TMTC1: variants seen among roughly 807,000 people sequenced by gnomAD.
The protein encoded by TMTC1 is transmembrane O-mannosyltransferase targeting cadherins 1.
In TMTC1, 73 loss-of-function variants were observed where a neutral mutation model predicts 104.8. The observed-to-expected ratio is 0.70, with a 90% CI of 0.58 to 0.85. TMTC1 has a LOEUF of 0.85. TMTC1 is among the 40% of genes least tolerant of loss of function. The pLI, the probability that TMTC1 is intolerant of heterozygous loss-of-function variation, is 0.00. For synonymous variants in TMTC1, 434 were observed against 428.7 expected (o/e 1.01, Z -0.15); for missense variants, 1,035 against 1,096.1 (o/e 0.94, Z 0.79).
intron 5 of TMTC1, among the ~76,000 whole-genome samples, chr12:29,689,574 G>C (rs779586285): frequency 5.9e-5 from 9 of 152,146 alleles, no homozygotes; most frequent in Non-Finnish European, 1.0e-4. Flanking sequence ...CAGGCCCTGG[G>C]CTCTGAATTT....
At chr12:29,578,164 T>C (rs1945875851) in intron 8 of TMTC1, among the ~76,000 whole-genome samples, 1 of 151,976 alleles carries the variant, frequency 6.6e-6, no homozygotes, top group Non-Finnish European at 1.5e-5. Context: ...TGTTTCATAA[T>C]GGTAAGAGGA....
At chr12:29,685,455 A>AT (rs1941062764) in intron 5 of TMTC1, among the ~76,000 whole-genome samples, 1 of 152,126 alleles carries the variant, frequency 6.6e-6, no homozygotes, top group Admixed American at 6.6e-5. Flanking sequence ...TGCTTAAAAG[A>AT]TTGAGTTTTG....
In TMTC1 at chr12:29,502,133, G is replaced by GT. The variant is rs1452553378; in HGVS notation, c.*4712dup. 6.6e-6 allele frequency: 1 copy of GT among 151,948 alleles called. No individual in the cohort carries two copies. Among genetic ancestry groups the GT allele is most frequent in the Non-Finnish European group, 1.5e-5 (1 of 67,986 alleles). 9.4% of individuals were successfully genotyped at this position (151,948 alleles called of 1,614,324 possible). ...GACAGGTACTTAATTCTTTTTAAATGTCAAAAGATACCATTTAAATAGCTA... is the reference window on the plus strand; with the variant it reads ...GACAGGTACTTAATTCTTTTTAAATGTTCAAAAGATACCATTTAAATAGCTA... On this transcript the variant is annotated 3_prime_UTR_variant, in exon 18 of 18. Transcript: ENST00000539277.
intron 5 of TMTC1, among the ~76,000 whole-genome samples, chr12:29,736,031 T>C (rs1203965569): frequency 6.6e-6 from 1 of 152,174 alleles, no homozygotes; most frequent in African/African-American, 2.4e-5. Context: ...ATTTTCTTCC[T>C]GGCCACATAG....
At chr12:29,578,058 C>A (rs1033781902) in intron 8 of TMTC1, among the ~76,000 whole-genome samples, 32 of 151,936 alleles carry the variant, frequency 2.1e-4, no homozygotes, top group African/African-American at 7.7e-4. Flanking sequence ...TGATCCTTTT[C>A]TCTGTGTGAT....
chr12:29,686,654 C>T (rs1390062585), intron 5 of TMTC1, among the ~76,000 whole-genome samples: 1 of 152,178 alleles, frequency 6.6e-6, no homozygotes, highest in East Asian at 1.9e-4. Flanking sequence ...CCTTGAGCTT[C>T]CATTTCCCAC....
chr12:29,660,604 A>T (rs1055384903), intron 5 of TMTC1, among the ~76,000 whole-genome samples: 3 of 151,976 alleles, frequency 2.0e-5, no homozygotes, highest in African/African-American at 4.8e-5. Context: ...AAATCCACAT[A>T]TCCCTGGAAT....
intron 5 of TMTC1, among the ~76,000 whole-genome samples, chr12:29,717,205 C>T (rs1307708086): frequency 2.6e-5 from 4 of 152,098 alleles, no homozygotes; most frequent in Non-Finnish European, 5.9e-5. Flanking sequence ...GGAAATTATA[C>T]TCTTTGTAAA....
chr12:29,580,758 T>C (rs73071576), intron 8 of TMTC1, among the ~76,000 whole-genome samples: 1,850 of 152,320 alleles, frequency 0.012, 12 homozygotes, highest in Middle Eastern at 0.054. Context: ...TACAAGAGCA[T>C]GATCCTTGAC....
At chr12:29,574,117 G>C (rs1945756630) in intron 8 of TMTC1, among the ~76,000 whole-genome samples, 2 of 152,170 alleles carry the variant, frequency 1.3e-5, no homozygotes, top group African/African-American at 4.8e-5. Flanking sequence ...AGGAAGCAGA[G>C]GTGGCAGGTG....
chr12:29,628,954 G>A lies in TMTC1; in HGVS notation c.1128+4193C>T, dbSNP rs546289361. On this transcript the variant is annotated intron_variant, in intron 6 of 17. Transcript: ENST00000539277. ...TGGGGTTACAGGCATCAGAGACTGC[G>A]CCCGGCCTCAGGCATTCCTTTCTAT... is the stretch of plus-strand genomic sequence containing the variant. Among the ~76,000 whole-genome samples, 11 of 152,164 alleles carry A rather than the reference G, an allele frequency of 7.2e-5. No individual in the cohort carries two copies. In the East Asian group the frequency reaches 9.7e-4, roughly 13 times the overall value.
intron 7 of TMTC1, 68 bp from the exon 8 acceptor site, chr12:29,583,642 C>A: frequency 7.1e-7 from 1 of 1,401,168 alleles, no homozygotes; most frequent in Non-Finnish European, 9.7e-7. Flanking sequence ...GAATTATCTC[C>A]TACAAAACTA....
At chr12:29,570,074 A>T (rs189402546) in intron 9 of TMTC1, among the ~76,000 whole-genome samples, 13 of 152,314 alleles carry the variant, frequency 8.5e-5, no homozygotes, top group Non-Finnish European at 7.3e-5. Context: ...TTATAATAAA[A>T]CCAATTAAAA....
intron 5 of TMTC1, among the ~76,000 whole-genome samples, chr12:29,677,955 G>GA (rs2136704156): frequency 6.6e-6 from 1 of 152,256 alleles, no homozygotes; most frequent in South Asian, 2.1e-4. Flanking sequence ...GTATATATAG[G>GA]AAAAAACGTA....
At chr12:29,709,299 A>G (rs1471384413) in intron 5 of TMTC1, among the ~76,000 whole-genome samples, 3 of 152,176 alleles carry the variant, frequency 2.0e-5, no homozygotes, top group African/African-American at 4.8e-5. Flanking sequence ...GGCTTCTCAG[A>G]GCCTCAGCCA....
intron 16 of TMTC1, among the ~76,000 whole-genome samples, chr12:29,513,339 C>T (rs1054870352): frequency 9.3e-5 from 14 of 150,576 alleles, no homozygotes; most frequent in South Asian, 2.1e-4. Flanking sequence ...TATATATATA[C>T]ACACACACAC....
At chr12:29,553,145 T>G (rs952798181) in intron 10 of TMTC1, among the ~76,000 whole-genome samples, 8 of 152,150 alleles carry the variant, frequency 5.3e-5, no homozygotes, top group African/African-American at 1.9e-4. Flanking sequence ...ATGTTTGGAT[T>G]GGAAAGCTAT....
intron 10 of TMTC1, among the ~76,000 whole-genome samples, chr12:29,551,359 T>C (rs1285141135): frequency 6.6e-6 from 1 of 152,210 alleles, no homozygotes; most frequent in East Asian, 1.9e-4. Flanking sequence ...AAGATAATGG[T>C]TACCCTTATT....
At chr12:29,601,022 G>C (rs1946550527) in intron 7 of TMTC1, among the ~76,000 whole-genome samples, 1 of 152,176 alleles carries the variant, frequency 6.6e-6, no homozygotes, top group East Asian at 1.9e-4. Context: ...AACCGAGGTT[G>C]GTTCCGGGAG....
Sources: gnomAD v4.1 joint callset for allele counts (sites outside exome capture counted in the v4.1 genomes callset) on GRCh38, gnomAD v4.1.1 for gene constraint, MANE v1.5 for transcripts, NCBI Gene and HGNC (gene_info 2026-07-23, HGNC 2026-07-21) for gene names.